Variants in RBFOX3 observed in about 807,000 individuals in gnomAD.
RBFOX3 encodes the protein RNA binding protein fox-1 homolog 3.
In RBFOX3, 17 loss-of-function variants were observed where a neutral mutation model predicts 48.7. The ratio of observed to expected loss-of-function variants is 0.35; its 90% CI spans 0.24 to 0.52. The LOEUF is 0.52. Among genes scored for constraint, RBFOX3 ranks in the 20% least tolerant of loss-of-function variants. The probability of loss-of-function intolerance (pLI) is 0.94; values close to 1 mark genes in which losing one functional copy is unlikely to be tolerated. For synonymous variants in RBFOX3, 212 were observed against 209.5 expected (o/e 1.01, Z -0.10); for missense variants, 382 against 497.5 (o/e 0.77, Z 2.21).
chr17:79,512,992 G>A (rs1265421918), intron 1 of RBFOX3, among the ~76,000 whole-genome samples: 2 of 139,792 alleles, frequency 1.4e-5, no homozygotes, highest in African/African-American at 2.8e-5. Flanking sequence ...TTACCATCGG[G>A]TACAGCCCCA....
chr17:79,322,629 G>A (rs1293006677), intron 2 of RBFOX3, among the ~76,000 whole-genome samples: 2 of 152,298 alleles, frequency 1.3e-5, no homozygotes, highest in East Asian at 1.9e-4. Context: ...GGGTACAGAG[G>A]AGACACAGCT....
At chr17:79,527,042 C>A (rs1427555869) in intron 1 of RBFOX3, among the ~76,000 whole-genome samples, 1 of 152,190 alleles carries the variant, frequency 6.6e-6, no homozygotes, top group African/African-American at 2.4e-5. Flanking sequence ...CCTCTGCCCC[C>A]ACCCTGGGCA....
intron 2 of RBFOX3, among the ~76,000 whole-genome samples, chr17:79,379,154 C>T (rs577045448): frequency 6.6e-6 from 1 of 152,342 alleles, no homozygotes; most frequent in African/African-American, 2.4e-5. Context: ...GCAACCGTCC[C>T]ATGGCACGCG....
chr17:79,617,724 T>C, the RBFOX3 span, among the ~76,000 whole-genome samples: 1 of 152,362 alleles, frequency 6.6e-6, no homozygotes, highest in African/African-American at 2.4e-5. Context: ...GGTCTCACTG[T>C]CGTGGAAGTC....
intron 2 of RBFOX3, among the ~76,000 whole-genome samples, chr17:79,442,632 G>C (rs2071379390): frequency 6.6e-6 from 1 of 152,104 alleles, no homozygotes; most frequent in African/African-American, 2.4e-5. Flanking sequence ...TTTCCACCTA[G>C]TACCTGCCGT....
At chr17:79,165,352 G>A (rs957909618) in intron 4 of RBFOX3, among the ~76,000 whole-genome samples, 1 of 152,212 alleles carries the variant, frequency 6.6e-6, no homozygotes, top group African/African-American at 2.4e-5. Context: ...CCAACACAAT[G>A]CAGTGCACAA....
the RBFOX3 span, among the ~76,000 whole-genome samples, chr17:79,645,351 C>A: frequency 2.6e-5 from 4 of 152,026 alleles, no homozygotes; most frequent in Admixed American, 1.3e-4. Flanking sequence ...CCAGAAACAC[C>A]GCCTCTTTAT....
At chr17:79,219,916 G>GCCCAGCCCCCTGT (rs143460081) in intron 4 of RBFOX3, among the ~76,000 whole-genome samples, 1,700 of 151,728 alleles carry the variant, frequency 0.011, 15 homozygotes, top group African/African-American at 0.029. Flanking sequence ...TGGAGGCTGG[G>GCCCAGCCCCCTGT]CCCAGCCCCC....
At chr17:79,543,351 A>G (rs2089978317) in intron 1 of RBFOX3, among the ~76,000 whole-genome samples, 1 of 152,144 alleles carries the variant, frequency 6.6e-6, no homozygotes, top group African/African-American at 2.4e-5. Flanking sequence ...ACGGAGGCTC[A>G]GATAGGGCCG....
At chr17:79,434,554 T>G (rs995631365) in intron 2 of RBFOX3, among the ~76,000 whole-genome samples, 2 of 152,170 alleles carry the variant, frequency 1.3e-5, no homozygotes, top group African/African-American at 4.8e-5. Flanking sequence ...AAAATCCCAG[T>G]GTTCACATCA....
At chr17:79,415,117 G>C (rs569517011) in intron 2 of RBFOX3, among the ~76,000 whole-genome samples, 2 of 152,326 alleles carry the variant, frequency 1.3e-5, no homozygotes, top group Admixed American at 1.3e-4. Context: ...GGGAGTTCAA[G>C]TGACTTCTGA....
chr17:79,542,987 C>G (rs2150188941), intron 1 of RBFOX3, among the ~76,000 whole-genome samples: 1 of 152,268 alleles, frequency 6.6e-6, no homozygotes. Flanking sequence ...CTGCCCAGCT[C>G]TCTCCCGTGG....
intron 1 of RBFOX3, among the ~76,000 whole-genome samples, chr17:79,609,658 C>A (rs2093925142): frequency 6.6e-6 from 1 of 150,668 alleles, no homozygotes; most frequent in African/African-American, 2.4e-5. Context: ...GAACATCCCA[C>A]CCCCACCCTA....
At chr17:79,196,513 T>C (rs900799353) in intron 4 of RBFOX3, among the ~76,000 whole-genome samples, 7 of 152,196 alleles carry the variant, frequency 4.6e-5, no homozygotes, top group Non-Finnish European at 7.3e-5. Flanking sequence ...AGCTGGCACA[T>C]AGTAGATGTT....
chr17:79,266,476 TAA>T (rs1283062860), intron 3 of RBFOX3, among the ~76,000 whole-genome samples: 1 of 152,218 alleles, frequency 6.6e-6, no homozygotes, highest in Non-Finnish European at 1.5e-5. Context: ...AATTGTTTGC[TAA>T]GTTTCTGTGT....
At chr17:79,153,255 C>A (rs1262463973) in intron 4 of RBFOX3, among the ~76,000 whole-genome samples, 1 of 152,220 alleles carries the variant, frequency 6.6e-6, no homozygotes, top group Non-Finnish European at 1.5e-5. Context: ...CTGTGATCAC[C>A]CCATTTCCCT....
chr17:79,206,169 T>C (rs931150112), intron 4 of RBFOX3, among the ~76,000 whole-genome samples: 12 of 152,046 alleles, frequency 7.9e-5, no homozygotes, highest in Admixed American at 6.6e-4. Context: ...TTCTGGAACA[T>C]CCCCTTGAAG....
rs531223072 is a variant in RBFOX3 at position 79,090,681 on chromosome 17, C to T, written c.*202G>A. ...GCCGTCCTGTCCTGGGGCCGCTCCT[C>T]GGCGCCCCTGCCGGCGTGCTCCCTC... is the stretch of plus-strand genomic sequence containing the variant. On this transcript the variant is annotated 3_prime_UTR_variant, in exon 15 of 15. Transcript: ENST00000693108. 23 of 646,750 alleles carry T rather than the reference C, an allele frequency of 3.6e-5. No individual in the cohort carries two copies. The highest frequency in any genetic ancestry group is 2.6e-4 in the South Asian group (12 of 46,786). 40.1% of individuals were successfully genotyped at this position (646,750 alleles called of 1,614,324 possible). A position where few individuals can be genotyped will look rare whatever the true frequency, so the allele number is the denominator to read the frequency against.
rs1021120245 is a variant in RBFOX3 at position 79,391,735 on chromosome 17, C to A, written c.-174-83911G>T. ...GTGGGCACAGGAAAGTCTGTGTGCA[C>A]GTGTGAGTTAGGGTGGGGGGTATGT... On this transcript the variant is annotated intron_variant, in intron 2 of 14. Coordinates refer to ENST00000693108, the MANE Select transcript of RBFOX3 (RefSeq NM_001350451.2). The surrounding 1 kb of genome is among the most constrained non-coding windows in gnomAD (Gnocchi z 5.0). Among the ~76,000 whole-genome samples, 4 of 152,098 alleles carry A rather than the reference C, an allele frequency of 2.6e-5. No homozygotes were observed. Among genetic ancestry groups the A allele is most frequent in the African/African-American group, 9.7e-5 (4 of 41,408 alleles).
Sources: gnomAD v4.1 joint callset for allele counts (sites outside exome capture counted in the v4.1 genomes callset) on GRCh38, gnomAD v4.1.1 for gene constraint, Gnocchi (gnomAD v3.1) non-coding constraint, MANE v1.5 for transcripts, NCBI Gene and HGNC (gene_info 2026-07-23, HGNC 2026-07-21) for gene names.